The following HOOK1 variants were observed in gnomAD, a reference collection of about 807,000 sequenced individuals.
The protein encoded by HOOK1 is hook microtubule tethering protein 1, also known as protein Hook homolog 1.
In HOOK1, 60 loss-of-function variants were observed where a neutral mutation model predicts 112.8. That is an observed-to-expected ratio of 0.53 (90% CI 0.43 to 0.66). The LOEUF is 0.66. HOOK1 is among the 30% of genes least tolerant of loss of function. The pLI is 0.00. For missense variants in HOOK1, 770 were observed against 856.0 expected (o/e 0.90, Z 1.25); for synonymous variants, 294 against 283.8 (o/e 1.04, Z -0.36).
At chr1:59,820,860 A>G (rs889492249) in intron 1 of HOOK1, among the ~76,000 whole-genome samples, 19 of 152,310 alleles carry the variant, frequency 1.2e-4, no homozygotes, top group Non-Finnish European at 1.8e-4. Flanking sequence ...GGAGCTTAGT[A>G]AAGTGTCTCT....
intron 9 of HOOK1, among the ~76,000 whole-genome samples, chr1:59,846,789 T>C (rs1463571445): frequency 2.0e-5 from 3 of 151,460 alleles, no homozygotes; most frequent in Non-Finnish European, 3.0e-5. Context: ...GAATGTGTTG[T>C]TTAATTTACA....
chr1:59,846,993 A>G, intron 9 of HOOK1, 52 bp from the exon 10 acceptor site: 2 of 1,446,702 alleles, frequency 1.4e-6, no homozygotes, highest in Non-Finnish European at 1.9e-6. Flanking sequence ...ACAATTATAT[A>G]ATTATAACAA....
At chr1:59,850,422 G>A (rs2098406537) in intron 12 of HOOK1, among the ~76,000 whole-genome samples, 1 of 150,818 alleles carries the variant, frequency 6.6e-6, no homozygotes, top group East Asian at 1.9e-4. Context: ...TTTTTTTGGT[G>A]ATGTTTCTAA....
At chr1:59,838,457 A>AT (rs2098399181) in intron 7 of HOOK1, among the ~76,000 whole-genome samples, 1 of 151,984 alleles carries the variant, frequency 6.6e-6, no homozygotes, top group Non-Finnish European at 1.5e-5. Context: ...GATGATGAGC[A>AT]TTTTTTCATA....
Position 59,814,991 on chromosome 1 carries a change from C to T in HOOK1, c.-127C>T, listed in dbSNP as rs1389385660. The T allele has an allele frequency of 3.3e-6, 3 of 919,156 alleles. No individual in the cohort carries two copies. Among genetic ancestry groups the T allele is most frequent in the Non-Finnish European group, 5.0e-6 (3 of 606,048 alleles). The allele number at this position is 919,156 out of a possible 1,614,324, so 56.9% of individuals were successfully genotyped here. On this transcript the variant is annotated 5_prime_UTR_variant, in exon 1 of 22. Transcript: ENST00000371208. Reference sequence around the variant, plus strand: ...GACAGCGCGAGGGTTCGCGCGTGAGCTGCGCGGGTCGGGCCTGGTACCGAG... The same window carrying T: ...GACAGCGCGAGGGTTCGCGCGTGAGTTGCGCGGGTCGGGCCTGGTACCGAG...
chr1:59,848,317 C>A lies in HOOK1; in HGVS notation c.932C>A (p.Ala311Asp). ...ATGCTTAGTCTTTATGATTATAGGGCTACCTCTGATAAAGCAAATAAACTG... is the reference window on the plus strand; with the variant it reads ...ATGCTTAGTCTTTATGATTATAGGGATACCTCTGATAAAGCAAATAAACTG... ...ALKDEIDVLRATSDKANKLES... is the reference protein window; with the variant it reads ...ALKDEIDVLRDTSDKANKLES... The change falls in exon 11 of 22, where the codon GCT becomes GAT. Residue 311 changes from alanine to aspartate, a missense_variant and splice_region_variant. This residue lies in a region of HOOK1 where 655 missense variants were observed against 725.9 expected (regional missense o/e 0.90). Transcript: ENST00000371208. The A allele has an allele frequency of 6.2e-7, 1 of 1,607,648 alleles. No individual in the cohort carries two copies. The highest frequency in any genetic ancestry group is 8.5e-7 in the Non-Finnish European group (1 of 1,175,232).
In HOOK1 at chr1:59,833,477, G is replaced by C; in HGVS notation, c.346G>C (p.Glu116Gln). 1 of 1,595,032 alleles carries C rather than the reference G, an allele frequency of 6.3e-7. No individual in the cohort carries two copies. The highest frequency in any genetic ancestry group is 1.1e-5 in the South Asian group (1 of 88,712). ...AATAACCGAATGTTCAGATCCAGTG[G>C]AGCTTGGGAGGTTGCTCCAGCTTAT... Reference protein sequence around the residue: ...NQITECSDPVELGRLLQLILG... With the variant: ...NQITECSDPVQLGRLLQLILG... Residue 116 changes from glutamate (E) to glutamine (Q), a missense_variant, in exon 5 of 22, where the codon GAG (glutamate) becomes CAG (glutamine). Glu to Gln is a conservative substitution (Grantham distance 29). Coordinates refer to ENST00000371208, the MANE Select transcript of HOOK1 (RefSeq NM_015888.6).
chr1:59,854,192 C>T (rs1487047314), intron 12 of HOOK1, among the ~76,000 whole-genome samples: 3 of 150,432 alleles, frequency 2.0e-5, no homozygotes, highest in Non-Finnish European at 4.4e-5. Context: ...GCTGGGATTA[C>T]AGGCGCATGC....
At position 59,828,860 on chromosome 1, in the gene HOOK1, G is replaced by T. The variant is rs755788197; in HGVS notation, c.222+8G>T. 1.2e-6 allele frequency: 2 copies of T among 1,602,988 alleles called. No individual in the cohort carries two copies. The highest frequency in any genetic ancestry group is 2.7e-5 in the African/African-American group (2 of 74,652). ...GACAACTGGAGAATAAAGGTATGCA[G>T]AACAAATGGGAGAAGCACTTGATCC... On this transcript the variant is annotated splice_region_variant and intron_variant, in intron 3 of 21. Transcript: ENST00000371208.
chr1:59,849,820 T>C (rs542965019), intron 12 of HOOK1, among the ~76,000 whole-genome samples: 113 of 151,848 alleles, frequency 7.4e-4, no homozygotes, highest in African/African-American at 2.6e-3. Context: ...TGCCGAATAA[T>C]GCCCCATTGT....
At chr1:59,851,375 A>G (rs2098407060) in intron 12 of HOOK1, among the ~76,000 whole-genome samples, 1 of 151,652 alleles carries the variant, frequency 6.6e-6, no homozygotes, top group African/African-American at 2.4e-5. Flanking sequence ...TCAGTGTGCA[A>G]GACTAGCACC....
At chr1:59,815,631 G>A (rs1016853486) in intron 1 of HOOK1, among the ~76,000 whole-genome samples, 1 of 151,910 alleles carries the variant, frequency 6.6e-6, no homozygotes, top group African/African-American at 2.4e-5. Context: ...AAACTACCTT[G>A]CTCTACCTGG....
chr1:59,875,114 T>A lies in HOOK1; in HGVS notation c.*2149T>A, dbSNP rs1458749284. 6.6e-6 allele frequency: 1 copy of A among 152,584 alleles called. No individual in the cohort carries two copies. The highest frequency in any genetic ancestry group is 1.5e-5 in the Non-Finnish European group (1 of 67,980). The allele number at this position is 152,584 out of a possible 1,614,324, so 9.5% of individuals were successfully genotyped here. On this transcript the variant is annotated 3_prime_UTR_variant, in exon 22 of 22. Transcript: ENST00000371208. ...TTTAGTCAGCGAAGACATCTGCCCCTTTGGTGTTTCTACTTGCTTATGATT... is the reference window on the plus strand; with the variant it reads ...TTTAGTCAGCGAAGACATCTGCCCCATTGGTGTTTCTACTTGCTTATGATT...
At chr1:59,839,636 C>CA (rs2098399887) in intron 7 of HOOK1, among the ~76,000 whole-genome samples, 1 of 152,148 alleles carries the variant, frequency 6.6e-6, no homozygotes, top group Non-Finnish European at 1.5e-5. Context: ...CATCTGCAAA[C>CA]AGAGACAATT....
chr1:59,837,856 C>G (rs1338791718), intron 7 of HOOK1, among the ~76,000 whole-genome samples: 2 of 152,070 alleles, frequency 1.3e-5, no homozygotes, highest in Non-Finnish European at 2.9e-5. Context: ...GCCCCCCACC[C>G]CCCACAGGCC....
At chr1:59,818,068 G>A (rs1261549033) in intron 1 of HOOK1, among the ~76,000 whole-genome samples, 1 of 152,060 alleles carries the variant, frequency 6.6e-6, no homozygotes, top group Non-Finnish European at 1.5e-5. Flanking sequence ...TTTTTAACTG[G>A]GTCATAGAGG....
intron 12 of HOOK1, among the ~76,000 whole-genome samples, chr1:59,851,402 CTAAG>C (rs906482321): frequency 2.0e-5 from 3 of 151,444 alleles, no homozygotes; most frequent in South Asian, 2.1e-4. Context: ...ACATGTATTC[CTAAG>C]TGTTTCATTC....
At position 59,815,276 on chromosome 1, in the gene HOOK1, C is replaced by A; in HGVS notation, c.63+96C>A. The A allele has an allele frequency of 4.2e-6, 5 of 1,200,030 alleles. No homozygotes were observed. In the South Asian group the frequency reaches 5.5e-5, roughly 13 times the overall value. 74.3% of individuals were successfully genotyped at this position (1,200,030 alleles called of 1,614,324 possible). A position where few individuals can be genotyped will look rare whatever the true frequency, so the allele number is the denominator to read the frequency against. ...CCCAGGTGAGCTGGGGCTACCTGCACAGGGTCCCGGCGCACCCTGCCCTTC... is the reference window on the plus strand; with the variant it reads ...CCCAGGTGAGCTGGGGCTACCTGCAAAGGGTCCCGGCGCACCCTGCCCTTC... On this transcript the variant is annotated intron_variant, in intron 1 of 21. Transcript: ENST00000371208.
chr1:59,831,143 C>T (rs2098393687), intron 3 of HOOK1, among the ~76,000 whole-genome samples: 1 of 152,030 alleles, frequency 6.6e-6, no homozygotes, highest in Non-Finnish European at 1.5e-5. Flanking sequence ...TCAGGTGATC[C>T]AACTGCCTCA....
Sources: allele counts gnomAD v4.1 joint callset (sites outside exome capture counted in the v4.1 genomes callset), GRCh38; gene constraint gnomAD v4.1.1; regional missense constraint gnomAD v4.1.1; transcripts MANE v1.5; gene names NCBI Gene and HGNC (gene_info 2026-07-23, HGNC 2026-07-21).